Variants in RSU1 observed in about 807,000 individuals in gnomAD.
RSU1 encodes the protein Ras suppressor protein 1, also known as rsu-1.
A neutral mutation model predicts 31.1 loss-of-function variants in RSU1; 26 were observed. The ratio of observed to expected loss-of-function variants is 0.84; its 90% CI spans 0.61 to 1.16. The LOEUF is 1.16. Ranked by LOEUF, RSU1 falls within the 50% of genes most tolerant of loss-of-function variation. The probability of loss-of-function intolerance (pLI) is 0.00; values close to 1 mark genes in which losing one functional copy is unlikely to be tolerated. For synonymous variants in RSU1, 164 were observed against 136.3 expected, an observed-to-expected ratio of 1.20 and a Z score of -1.41; for missense variants, 320 against 339.1, an observed-to-expected ratio of 0.94 and a Z score of 0.44.
At chr10:16,741,616 G>C (rs1836753592) in intron 7 of RSU1, among the ~76,000 whole-genome samples, 1 of 152,164 alleles carries the variant, frequency 6.6e-6, no homozygotes, top group Non-Finnish European at 1.5e-5. Flanking sequence ...GAGTGAGTGA[G>C]GGTGATAAGT....
At chr10:16,697,897 T>G (rs1264152723) in intron 7 of RSU1, among the ~76,000 whole-genome samples, 1 of 151,502 alleles carries the variant, frequency 6.6e-6, no homozygotes, top group Non-Finnish European at 1.5e-5. Context: ...AGAATTTTAC[T>G]CTGTTGAAGA....
At chr10:16,749,818 C>T (rs191250178) in intron 7 of RSU1, among the ~76,000 whole-genome samples, 3 of 152,336 alleles carry the variant, frequency 2.0e-5, no homozygotes, top group South Asian at 4.1e-4. Flanking sequence ...AACATCTCTC[C>T]GCCTGCCTTT....
intron 8 of RSU1, among the ~76,000 whole-genome samples, chr10:16,619,693 T>C (rs1460798940): frequency 6.6e-6 from 1 of 152,214 alleles, no homozygotes; most frequent in African/African-American, 2.4e-5. Context: ...CAGAATATGG[T>C]CATTTCTTAG....
At chr10:16,792,053 T>C (rs1014837412) in intron 2 of RSU1, among the ~76,000 whole-genome samples, 3 of 152,084 alleles carry the variant, frequency 2.0e-5, no homozygotes, top group African/African-American at 7.2e-5. Context: ...ACACACAAAA[T>C]GATATGGAAC....
chr10:16,769,902 T>C (rs992017952), intron 3 of RSU1, among the ~76,000 whole-genome samples: 27 of 152,338 alleles, frequency 1.8e-4, no homozygotes, highest in African/African-American at 5.8e-4. Flanking sequence ...AGTCAACTTC[T>C]GCTTCCCCAT....
chr10:16,721,502 A>G (rs1338743586), intron 7 of RSU1: 1 of 152,238 alleles, frequency 6.6e-6, no homozygotes, highest in East Asian at 1.9e-4. Flanking sequence ...GTACAGAGCA[A>G]CAGTCATTGC....
At chr10:16,767,735 C>A (rs538875837) in intron 3 of RSU1, among the ~76,000 whole-genome samples, 1 of 152,110 alleles carries the variant, frequency 6.6e-6, no homozygotes, top group Admixed American at 6.5e-5. Flanking sequence ...ATACTTTGCA[C>A]ACACAGCATC....
intron 2 of RSU1, among the ~76,000 whole-genome samples, chr10:16,785,513 T>TATATATATATATATATACACATATATAC (rs1564357401): frequency 4.9e-5 from 6 of 121,822 alleles, no homozygotes; most frequent in East Asian, 5.4e-4. Flanking sequence ...CATATATACA[T>TATATATATATATATATACACATATATAC]ATATATATAT....
chr10:16,702,719 G>C lies in RSU1; in HGVS notation c.599-7564C>G, dbSNP rs537079382. On this transcript the variant is annotated intron_variant, in intron 7 of 8. Coordinates refer to ENST00000345264, the MANE Select transcript of RSU1 (RefSeq NM_012425.4). ...TTTTTATTTTATAGGTTCACAGGTG[G>C]AAGGGACCAGCCTTGTCTGAGGTGA... 2.6e-5 allele frequency among the ~76,000 whole-genome samples: 4 copies of C among 152,322 alleles called. No individual in the cohort carries two copies. In the South Asian group the frequency reaches 8.3e-4, roughly 32 times the overall value.
At chr10:16,739,329 G>A (rs1173174169) in intron 7 of RSU1, among the ~76,000 whole-genome samples, 5 of 152,034 alleles carry the variant, frequency 3.3e-5, no homozygotes, top group Non-Finnish European at 7.4e-5. Context: ...CTCCCACCAA[G>A]AGTGTAAAAG....
At chr10:16,654,103 A>G (rs1244784513) in intron 8 of RSU1, among the ~76,000 whole-genome samples, 1 of 151,856 alleles carries the variant, frequency 6.6e-6, no homozygotes, top group African/African-American at 2.4e-5. Context: ...CCCGGGCTCA[A>G]GCGATTCTCT....
chr10:16,724,652 C>T (rs900038624), intron 7 of RSU1, among the ~76,000 whole-genome samples: 12 of 152,112 alleles, frequency 7.9e-5, no homozygotes, highest in Non-Finnish European at 1.5e-4. Flanking sequence ...ACTTTACTGT[C>T]CGAGAAGGAG....
intron 2 of RSU1, among the ~76,000 whole-genome samples, chr10:16,800,432 A>G (rs1300346991): frequency 6.6e-6 from 1 of 152,254 alleles, no homozygotes; most frequent in Non-Finnish European, 1.5e-5. Context: ...AAACACTGTA[A>G]CAAAAATAAA....
chr10:16,783,780 T>C (rs912146942), intron 2 of RSU1, among the ~76,000 whole-genome samples: 2 of 152,122 alleles, frequency 1.3e-5, no homozygotes, highest in African/African-American at 2.4e-5. Context: ...GCTGGCCTGA[T>C]GCCCCATAAA....
intron 4 of RSU1, among the ~76,000 whole-genome samples, chr10:16,762,754 C>T (rs1293415883): frequency 2.0e-5 from 3 of 151,992 alleles, no homozygotes; most frequent in East Asian, 1.9e-4. Flanking sequence ...TACGGCCAGA[C>T]GCAGTAATCC....
At chr10:16,608,677 G>A (rs1448199581) in intron 8 of RSU1, among the ~76,000 whole-genome samples, 6 of 152,012 alleles carry the variant, frequency 3.9e-5, no homozygotes, top group Admixed American at 6.6e-5. Flanking sequence ...CGGCATCTCC[G>A]AGAGCTCAAC....
intron 7 of RSU1, chr10:16,723,003 TAG>T (rs1836309877): frequency 6.6e-6 from 1 of 150,466 alleles, no homozygotes; most frequent in African/African-American, 2.4e-5. Flanking sequence ...TATATGCATA[TAG>T]ACACAAACAT....
chr10:16,646,452 CCTCT>C (rs1480475626), intron 8 of RSU1, among the ~76,000 whole-genome samples: 1 of 152,184 alleles, frequency 6.6e-6, no homozygotes, highest in Non-Finnish European at 1.5e-5. Context: ...ACCATCACCT[CCTCT>C]CTGACTCTTT....
At chr10:16,702,597 C>G (rs1835814381) in intron 7 of RSU1, among the ~76,000 whole-genome samples, 1 of 152,194 alleles carries the variant, frequency 6.6e-6, no homozygotes, top group Non-Finnish European at 1.5e-5. Context: ...TCCATGGGAG[C>G]TGTAGCCCCT....
Sources: gnomAD v4.1 joint callset for allele counts (sites outside exome capture counted in the v4.1 genomes callset) on GRCh38, gnomAD v4.1.1 for gene constraint, MANE v1.5 for transcripts, NCBI Gene and HGNC (gene_info 2026-07-23, HGNC 2026-07-21) for gene names.